The following GTF2B variants were observed in gnomAD, a reference collection of about 807,000 sequenced individuals.
GTF2B encodes transcription initiation factor IIB.
Under a neutral mutation model 34.6 loss-of-function variants are expected in GTF2B, and 20 were observed. The ratio of observed to expected loss-of-function variants is 0.58; its 90% CI spans 0.41 to 0.84. The LOEUF (loss-of-function observed/expected upper bound fraction) is 0.84. Ranked by LOEUF, GTF2B falls within the 40% of genes least tolerant of loss-of-function variation. GTF2B has a pLI of 0.00. For missense variants in GTF2B, 237 were observed against 393.3 expected (o/e 0.60, Z 3.36); for synonymous variants, 142 against 132.4 (o/e 1.07, Z -0.50).
Position 88,891,547 on chromosome 1 carries a change from A to T in GTF2B, c.-48T>A. On this transcript the variant is annotated 5_prime_UTR_variant, in exon 1 of 7. Transcript: ENST00000370500. ...GCAACAAGACACAACAGACACACCG[A>T]AAGCAGGAAGCGAATGTGGCGAAGA... The T allele has an allele frequency of 6.4e-7, 1 of 1,568,854 alleles. No individual in the cohort carries two copies. The highest frequency in any genetic ancestry group is 2.3e-5 in the East Asian group (1 of 43,442).
chr1:88,853,638 A>G (rs1482859247), intron 6 of GTF2B, among the ~76,000 whole-genome samples: 1 of 152,104 alleles, frequency 6.6e-6, no homozygotes, highest in Non-Finnish European at 1.5e-5. Flanking sequence ...CCCCATCTCT[A>G]CTAAAAATAC....
At chr1:88,870,896 CTTTTTTTT>C (rs1022965980) in intron 2 of GTF2B, among the ~76,000 whole-genome samples, 14 of 109,202 alleles carry the variant, frequency 1.3e-4, no homozygotes, top group Non-Finnish European at 1.6e-4. Flanking sequence ...CTTACACAGT[CTTTTTTTT>C]TTTTTTTTTT....
intron 5 of GTF2B, 70 bp downstream of exon 5, chr1:88,859,812 G>A (rs1673395389): frequency 7.0e-7 from 1 of 1,430,828 alleles, no homozygotes; most frequent in Non-Finnish European, 9.7e-7. Context: ...CTCTGGCCTG[G>A]GCGACAAAGT....
In GTF2B at chr1:88,857,381, G is replaced by A; in HGVS notation, c.642C>T (p.Phe214=). ...TSVDLITTGD[F]MSRFCSNLCL... ...AAAGGTTGGAACAGAACCTGGACAT[G>A]AAGTCCCCAGTTGTAATCAAATCCA... The change falls in exon 6 of 7, where the codon TTC becomes TTT. Residue 214 remains phenylalanine (F), a synonymous_variant. Transcript: ENST00000370500. 3 of 1,612,656 alleles carry A rather than the reference G, an allele frequency of 1.9e-6. No homozygotes were observed. Among genetic ancestry groups the A allele is most frequent in the South Asian group, 1.1e-5 (1 of 91,044 alleles).
intron 2 of GTF2B, among the ~76,000 whole-genome samples, chr1:88,871,876 C>T (rs904787790): frequency 1.3e-5 from 2 of 151,990 alleles, no homozygotes; most frequent in Admixed American, 6.6e-5. Context: ...GGATTACAGG[C>T]ATCCACCACC....
chr1:88,889,053 A>G (rs553039989), intron 1 of GTF2B, among the ~76,000 whole-genome samples: 5 of 152,352 alleles, frequency 3.3e-5, no homozygotes, highest in African/African-American at 1.2e-4. Context: ...AAGGTAGTGA[A>G]TGGAGTTTAA....
intron 2 of GTF2B, among the ~76,000 whole-genome samples, chr1:88,864,914 T>C (rs1673514809): frequency 6.6e-6 from 1 of 152,210 alleles, no homozygotes; most frequent in Non-Finnish European, 1.5e-5. Context: ...ACTTTACAAA[T>C]AAGATTAACT....
intron 1 of GTF2B, 87 bp downstream of exon 1, chr1:88,891,396 C>A: frequency 1.0e-6 from 1 of 994,556 alleles, no homozygotes; most frequent in Non-Finnish European, 1.6e-6. Context: ...AGGCGCTCAG[C>A]CCTACGAGGC....
At chr1:88,871,688 T>G (rs1442307973) in intron 2 of GTF2B, among the ~76,000 whole-genome samples, 1 of 152,232 alleles carries the variant, frequency 6.6e-6, no homozygotes, top group Non-Finnish European at 1.5e-5. Context: ...CACTGTATTT[T>G]GGAGATTTAT....
At chr1:88,879,207 C>A (rs1263167818) in intron 2 of GTF2B, among the ~76,000 whole-genome samples, 1 of 151,510 alleles carries the variant, frequency 6.6e-6, no homozygotes, top group Non-Finnish European at 1.5e-5. Context: ...TTATTAGAGG[C>A]AGGAAAAAAG....
chr1:88,890,452 G>A (rs1674173748), intron 1 of GTF2B, among the ~76,000 whole-genome samples: 1 of 152,208 alleles, frequency 6.6e-6, no homozygotes, highest in Non-Finnish European at 1.5e-5. Context: ...GGCTTTCACT[G>A]TGAAATTAAC....
intron 2 of GTF2B, among the ~76,000 whole-genome samples, chr1:88,876,702 T>C (rs1426150613): frequency 6.6e-6 from 1 of 152,174 alleles, no homozygotes; most frequent in Non-Finnish European, 1.5e-5. Flanking sequence ...CTCCACAATA[T>C]GTATCAGTGA....
At chr1:88,879,414 A>C (rs1673884106) in intron 2 of GTF2B, among the ~76,000 whole-genome samples, 1 of 151,772 alleles carries the variant, frequency 6.6e-6, no homozygotes, top group Non-Finnish European at 1.5e-5. Context: ...CCCCGTCTCT[A>C]CTAAAAATAC....
chr1:88,863,897 T>G (rs1470279022), intron 3 of GTF2B, 84 bp downstream of exon 3: 1 of 1,195,002 alleles, frequency 8.4e-7, no homozygotes, highest in African/African-American at 1.5e-5. Flanking sequence ...ACTGGTGCAG[T>G]GACTGATACT....
At chr1:88,891,317 G>A (rs1315013848) in intron 1 of GTF2B, among the ~76,000 whole-genome samples, 166 bp downstream of exon 1, 1 of 152,224 alleles carries the variant, frequency 6.6e-6, no homozygotes, top group Non-Finnish European at 1.5e-5. Context: ...CACCCTGACA[G>A]TCCTGCCGTC....
intron 2 of GTF2B, among the ~76,000 whole-genome samples, chr1:88,880,902 G>A (rs1673921898): frequency 6.6e-6 from 1 of 151,312 alleles, no homozygotes; most frequent in Admixed American, 6.6e-5. Flanking sequence ...CCAGCTACTC[G>A]AGTGGCTGAG....
At chr1:88,875,351 G>A (rs1270301534) in intron 2 of GTF2B, among the ~76,000 whole-genome samples, 2 of 152,150 alleles carry the variant, frequency 1.3e-5, no homozygotes, top group Admixed American at 6.5e-5. Flanking sequence ...TGTTTAGACC[G>A]TAAAGAAAAC....
At chr1:88,864,520 G>A (rs1392613653) in intron 2 of GTF2B, among the ~76,000 whole-genome samples, 1 of 152,210 alleles carries the variant, frequency 6.6e-6, no homozygotes, top group Non-Finnish European at 1.5e-5. Flanking sequence ...ATATTAAAAT[G>A]TCACTAAGTT....
intron 5 of GTF2B, among the ~76,000 whole-genome samples, chr1:88,857,971 T>TGC (rs1164259458): frequency 6.6e-6 from 1 of 151,350 alleles, no homozygotes; most frequent in Non-Finnish European, 1.5e-5. Context: ...CATGAGCCAC[T>TGC]GCGCCTGGCC....
Sources: allele counts gnomAD v4.1 joint callset (sites outside exome capture counted in the v4.1 genomes callset), GRCh38; gene constraint gnomAD v4.1.1; transcripts MANE v1.5; gene names NCBI Gene and HGNC (gene_info 2026-07-23, HGNC 2026-07-21).